PLBD1: variants seen among roughly 807,000 people sequenced by gnomAD.
PLBD1 encodes the protein phospholipase B domain containing 1.
A neutral mutation model predicts 63.0 loss-of-function variants in PLBD1; 60 were observed. That is an observed-to-expected ratio of 0.95 (90% CI 0.77 to 1.18). The LOEUF (loss-of-function observed/expected upper bound fraction) is 1.18, where lower values mean the gene tolerates loss of function less well. Among genes scored for constraint, PLBD1 ranks in the 50% most tolerant of loss-of-function variants. The pLI is 0.00. For synonymous variants in PLBD1, 262 were observed against 248.0 expected, an observed-to-expected ratio of 1.06 and a Z score of -0.53; for missense variants, 598 against 677.9, an observed-to-expected ratio of 0.88 and a Z score of 1.31.
chr12:14,556,609 T>A (rs549192816), intron 1 of PLBD1, among the ~76,000 whole-genome samples: 2 of 151,266 alleles, frequency 1.3e-5, no homozygotes, highest in South Asian at 2.1e-4. Flanking sequence ...CCTCAGGTGA[T>A]CCGCCTGCCT....
chr12:14,506,162 C>G lies in PLBD1; in HGVS notation c.1479G>C (p.Lys493Asn). Residue 493 changes from lysine to asparagine, a missense_variant and splice_region_variant, in exon 10 of 11, where the codon AAG (lysine) becomes AAC (asparagine). Transcript: ENST00000240617. ...NPSPGGCYDT[K>N]VADIYLASQY... ...AATTCAAAAGCCAATAGCATGTTACCTTTGTGTCATAACAACCTCCAGGAC... is the reference window on the plus strand; with the variant it reads ...AATTCAAAAGCCAATAGCATGTTACGTTTGTGTCATAACAACCTCCAGGAC... 1 of 1,598,886 alleles carries G rather than the reference C, an allele frequency of 6.3e-7. No homozygotes were observed. The highest frequency in any genetic ancestry group is 8.6e-7 in the Non-Finnish European group (1 of 1,168,602).
At chr12:14,546,783 C>T (rs1258696110) in intron 2 of PLBD1, among the ~76,000 whole-genome samples, 1 of 152,194 alleles carries the variant, frequency 6.6e-6, no homozygotes, top group Non-Finnish European at 1.5e-5. Context: ...AGTGTCATTG[C>T]TGAGGATGTC....
intron 4 of PLBD1, 149 bp downstream of exon 4, chr12:14,540,615 A>G (rs1379982661): frequency 1.1e-5 from 9 of 818,568 alleles, no homozygotes; most frequent in African/African-American, 1.7e-5. Flanking sequence ...AGGTGCTGCA[A>G]TATGAGAGCT....
chr12:14,518,574 C>A (rs1945352616), intron 6 of PLBD1, among the ~76,000 whole-genome samples: 1 of 152,154 alleles, frequency 6.6e-6, no homozygotes, highest in Non-Finnish European at 1.5e-5. Flanking sequence ...CTTAGGCAGC[C>A]CCCACCTCCT....
In PLBD1 at chr12:14,567,791, G is replaced by T; in HGVS notation, c.-95C>A. 1.5e-6 allele frequency: 2 copies of T among 1,342,338 alleles called. No individual in the cohort carries two copies. The highest frequency in any genetic ancestry group is 1.9e-6 in the Non-Finnish European group (2 of 1,051,074). 83.2% of individuals were successfully genotyped at this position (1,342,338 alleles called of 1,614,324 possible). A position where few individuals can be genotyped will look rare whatever the true frequency, so the allele number is the denominator to read the frequency against. ...AGAGAGGCTCCTGGCCTACTCAGGG[G>T]CGCCGCCTCTCCGAGGTGGGGCGTC... On this transcript the variant is annotated 5_prime_UTR_variant, in exon 1 of 11. Coordinates refer to ENST00000240617, the MANE Select transcript of PLBD1 (RefSeq NM_024829.6).
intron 6 of PLBD1, among the ~76,000 whole-genome samples, chr12:14,529,822 C>T (rs894682419): frequency 2.0e-5 from 3 of 152,048 alleles, no homozygotes; most frequent in African/African-American, 7.2e-5. Context: ...TGGAAGAAGT[C>T]AAACTGTCTT....
intron 2 of PLBD1, among the ~76,000 whole-genome samples, chr12:14,542,833 G>C (rs1270777792): frequency 6.6e-6 from 1 of 151,910 alleles, no homozygotes; most frequent in Non-Finnish European, 1.5e-5. Flanking sequence ...GGATCACAAG[G>C]TCAGGAGATC....
intron 6 of PLBD1, among the ~76,000 whole-genome samples, chr12:14,526,073 G>T (rs1945413688): frequency 6.6e-6 from 1 of 151,994 alleles, no homozygotes; most frequent in African/African-American, 2.4e-5. Flanking sequence ...AAAAAGACAG[G>T]AAAGGAGGAA....
chr12:14,564,536 A>AC (rs1177498415), intron 1 of PLBD1, among the ~76,000 whole-genome samples: 4 of 152,100 alleles, frequency 2.6e-5, no homozygotes, highest in African/African-American at 9.7e-5. Context: ...GATGTTATCT[A>AC]CCCCCATGTG....
intron 1 of PLBD1, among the ~76,000 whole-genome samples, chr12:14,561,095 C>T (rs1945739761): frequency 6.6e-6 from 1 of 151,128 alleles, no homozygotes; most frequent in Non-Finnish European, 1.5e-5. Flanking sequence ...CCTCAGATCA[C>T]CTGCAGGAAG....
chr12:14,547,825 A>G (rs1437700073), intron 2 of PLBD1, among the ~76,000 whole-genome samples: 1 of 152,092 alleles, frequency 6.6e-6, no homozygotes, highest in African/African-American at 2.4e-5. Context: ...GGGCTCCTTT[A>G]GTATTTCCCA....
At chr12:14,522,430 A>G (rs1945383927) in intron 6 of PLBD1, among the ~76,000 whole-genome samples, 1 of 152,190 alleles carries the variant, frequency 6.6e-6, no homozygotes, top group South Asian at 2.1e-4. Context: ...TCTACCAAAC[A>G]TTAAAGAAAA....
rs1945299514 is a variant in PLBD1, at chr12:14,511,708, A to G, written c.848T>C (p.Phe283Ser). 6.2e-7 allele frequency: 1 copy of G among 1,613,762 alleles called. No individual in the cohort carries two copies. The highest frequency in any genetic ancestry group is 1.3e-5 in the African/African-American group (1 of 74,940). ...GTAAAAATCATCCAGAGACTCCAAA[A>G]ACCCTACAGGAAAGACAAATATACA... ...SRLSFSSYPG[F>S]LESLDDFYIL... Residue 283 changes from phenylalanine to serine, a missense_variant, in exon 7 of 11, where the codon TTT becomes TCT. Physicochemically the swap from Phe to Ser is radical, Grantham distance 155 (BLOSUM62 -2). Transcript: ENST00000240617.
At chr12:14,540,019 TATA>T (rs1565577530) in intron 4 of PLBD1, among the ~76,000 whole-genome samples, 1,889 of 87,660 alleles carry the variant, frequency 0.022, 154 homozygotes, top group African/African-American at 0.081. Context: ...TGCACATATA[TATA>T]TATATATATA....
intron 6 of PLBD1, among the ~76,000 whole-genome samples, chr12:14,523,065 C>T (rs1945389116): frequency 6.6e-6 from 1 of 152,078 alleles, no homozygotes; most frequent in Non-Finnish European, 1.5e-5. Context: ...AGAAATCAAA[C>T]TGTCCCTGCT....
At chr12:14,505,768 T>C (rs1945249924) in intron 10 of PLBD1, among the ~76,000 whole-genome samples, 1 of 152,238 alleles carries the variant, frequency 6.6e-6, no homozygotes. Flanking sequence ...AATATGTTCT[T>C]TGGACTTTGG....
intron 6 of PLBD1, among the ~76,000 whole-genome samples, chr12:14,533,741 T>C (rs1251764143): frequency 6.6e-6 from 1 of 152,180 alleles, no homozygotes; most frequent in Non-Finnish European, 1.5e-5. Context: ...CCAGTCCCCC[T>C]CAATGCTAAA....
rs1350814280 is a variant in PLBD1, at chr12:14,507,123, T to C, written c.1187-5A>G. 1.4e-5 allele frequency: 22 copies of C among 1,588,666 alleles called. No individual in the cohort carries two copies. The highest frequency in any genetic ancestry group is 1.6e-5 in the Non-Finnish European group (19 of 1,160,472). On this transcript the variant is annotated splice_polypyrimidine_tract_variant and splice_region_variant and intron_variant, in intron 8 of 10. Transcript: ENST00000240617. Reference sequence around the variant, plus strand: ...CATTGTAGGAGGGCCAATATCCTGATTTGGAATGGAAGGGAAGTAAGGGAG... The same window carrying C: ...CATTGTAGGAGGGCCAATATCCTGACTTGGAATGGAAGGGAAGTAAGGGAG...
At chr12:14,560,005 C>A (rs904738696) in intron 1 of PLBD1, among the ~76,000 whole-genome samples, 1 of 152,070 alleles carries the variant, frequency 6.6e-6, no homozygotes, top group African/African-American at 2.4e-5. Flanking sequence ...GGATTACAGG[C>A]ATGCGCCGCC....
Sources: gnomAD v4.1 joint callset for allele counts (sites outside exome capture counted in the v4.1 genomes callset) on GRCh38, gnomAD v4.1.1 for gene constraint, MANE v1.5 for transcripts, NCBI Gene and HGNC (gene_info 2026-07-23, HGNC 2026-07-21) for gene names.